Variants in PCSK2 observed in about 807,000 individuals in gnomAD.
PCSK2 encodes neuroendocrine convertase 2.
PCSK2 carries 14 observed loss-of-function variants against 69.7 expected under a neutral mutation model. The observed-to-expected ratio is 0.20, with a 90% CI of 0.13 to 0.31. The LOEUF (loss-of-function observed/expected upper bound fraction) is 0.31. Ranked by LOEUF, PCSK2 falls within the 10% of genes least tolerant of loss-of-function variation. PCSK2 has a pLI of 1.00. For synonymous variants in PCSK2, 307 were observed against 320.7 expected (o/e 0.96, Z 0.46); for missense variants, 544 against 842.5 (o/e 0.65, Z 4.39).
At chr20:17,479,526 G>A (rs1246243576) in intron 11 of PCSK2, 2 of 361,142 alleles carry the variant, frequency 5.5e-6, no homozygotes, top group Admixed American at 7.9e-5. Context: ...ACGGCCGGGC[G>A]CGGTGGCTCA....
intron 4 of PCSK2, among the ~76,000 whole-genome samples, chr20:17,363,200 G>A (rs778881292): frequency 1.3e-5 from 2 of 152,186 alleles, no homozygotes; most frequent in Non-Finnish European, 2.9e-5. Context: ...GTTTAAATTT[G>A]TGGACAGCCA....
At chr20:17,380,280 T>C (rs2031052653) in intron 5 of PCSK2, among the ~76,000 whole-genome samples, 2 of 152,270 alleles carry the variant, frequency 1.3e-5, no homozygotes, top group South Asian at 4.1e-4. Context: ...TCTGAATTAA[T>C]AAAAATAGAC....
intron 3 of PCSK2, among the ~76,000 whole-genome samples, chr20:17,359,224 GA>G (rs1363122912): frequency 6.6e-6 from 1 of 152,216 alleles, no homozygotes; most frequent in African/African-American, 2.4e-5. Flanking sequence ...TACATTACAG[GA>G]ATTCATCACA....
At chr20:17,330,151 G>A (rs879143228) in intron 2 of PCSK2, among the ~76,000 whole-genome samples, 1 of 152,182 alleles carries the variant, frequency 6.6e-6, no homozygotes, top group South Asian at 2.1e-4. Flanking sequence ...TCAAACACCA[G>A]TGTGTGTTTC....
In PCSK2 at chr20:17,358,334, T is replaced by C. The variant is rs1249372987; in HGVS notation, c.290T>C (p.Met97Thr). 17 of 1,591,146 alleles carry C rather than the reference T, an allele frequency of 1.1e-5. No homozygotes were observed. The highest frequency in any genetic ancestry group is 4.5e-5 in the East Asian group (2 of 44,734). Reference sequence around the variant, plus strand: ...TCAGCATTGTCATTCCAGGTAAAGATGGCTTTGCAGCAGGAAGGATTTGAC... The same window carrying C: ...TCAGCATTGTCATTCCAGGTAAAGACGGCTTTGCAGCAGGAAGGATTTGAC... ...QQLERDPRVK[M>T]ALQQEGFDRK... The change falls in exon 3 of 12, where the codon ATG becomes ACG. Residue 97 changes from methionine (M) to threonine (T), a missense_variant. Met to Thr is a moderately conservative substitution (Grantham distance 81). Coordinates refer to ENST00000262545, the MANE Select transcript of PCSK2 (RefSeq NM_002594.5).
At chr20:17,443,492 C>T (rs2032637716) in intron 8 of PCSK2, among the ~76,000 whole-genome samples, 1 of 152,170 alleles carries the variant, frequency 6.6e-6, no homozygotes, top group Admixed American at 6.5e-5. Flanking sequence ...AAGCCCCAGA[C>T]CAGGTGACAG....
At chr20:17,372,982 G>A (rs573345546) in intron 5 of PCSK2, among the ~76,000 whole-genome samples, 3 of 152,326 alleles carry the variant, frequency 2.0e-5, no homozygotes, top group South Asian at 2.1e-4. Flanking sequence ...TGATAGGCTC[G>A]AAAATTGTTT....
chr20:17,227,478 G>T lies in PCSK2; in HGVS notation c.173G>T (p.Arg58Leu). Reference protein sequence around the residue: ...QVAAEHGFGVRKLPFAEGLYH... With the variant: ...QVAAEHGFGVLKLPFAEGLYH... ...GCAGCAGAACACGGCTTTGGAGTCC[G>T]AAAGGTAAGCTCTCCCATGCATTTC... The change falls in exon 1 of 12, where the codon CGA (arginine) becomes CTA (leucine). Residue 58 changes from arginine (R) to leucine (L), a missense_variant. Physicochemically the swap from Arg to Leu is moderately radical, Grantham distance 102. This residue lies in a region of PCSK2 where 157 missense variants were observed against 155.0 expected (regional missense o/e 1.01). Transcript: ENST00000262545. The T allele has an allele frequency of 1.2e-6, 2 of 1,613,228 alleles. No homozygotes were observed. Among genetic ancestry groups the T allele is most frequent in the Non-Finnish European group, 1.7e-6 (2 of 1,179,358 alleles).
At chr20:17,250,611 T>A (rs1986938499) in intron 1 of PCSK2, among the ~76,000 whole-genome samples, 1 of 152,230 alleles carries the variant, frequency 6.6e-6, no homozygotes, top group South Asian at 2.1e-4. Context: ...TGAATGATGA[T>A]ATTCAATGTC....
At chr20:17,394,957 A>G (rs1419196694) in intron 5 of PCSK2, among the ~76,000 whole-genome samples, 1 of 152,210 alleles carries the variant, frequency 6.6e-6, no homozygotes, top group Non-Finnish European at 1.5e-5. Flanking sequence ...GTTGGGGATC[A>G]GTTCTTTTTT....
intron 2 of PCSK2, among the ~76,000 whole-genome samples, chr20:17,341,158 TG>T (rs1469004787): frequency 1.3e-5 from 2 of 152,214 alleles, no homozygotes; most frequent in East Asian, 3.8e-4. Context: ...CAGAATCACT[TG>T]AACCCAGGAG....
At chr20:17,474,078 C>A (rs2033249543) in intron 11 of PCSK2, among the ~76,000 whole-genome samples, 1 of 152,204 alleles carries the variant, frequency 6.6e-6, no homozygotes, top group Admixed American at 6.5e-5. Context: ...GACCTTCAGG[C>A]ACACCATGGC....
Position 17,316,349 on chromosome 20 carries a change from A to G in PCSK2, c.283-41978A>G, listed in dbSNP as rs560327013. ...TAAGTCATGCAAATGCTTTAAAATT[A>G]TATGTCTGTGTATGTATGAATATAT... On this transcript the variant is annotated intron_variant, in intron 2 of 11. Transcript: ENST00000262545. Among the ~76,000 whole-genome samples, 30 of 152,360 alleles carry G rather than the reference A, an allele frequency of 2.0e-4. No homozygotes were observed. In the East Asian group the frequency reaches 2.1e-3, roughly 11 times the overall value.
At chr20:17,282,833 A>G (rs1465205810) in intron 2 of PCSK2, among the ~76,000 whole-genome samples, 1 of 152,110 alleles carries the variant, frequency 6.6e-6, no homozygotes, top group Non-Finnish European at 1.5e-5. Flanking sequence ...TGTTAATAAC[A>G]CAGGCTGGGG....
At chr20:17,413,560 T>A (rs2031927563) in intron 6 of PCSK2, among the ~76,000 whole-genome samples, 1 of 152,150 alleles carries the variant, frequency 6.6e-6, no homozygotes, top group African/African-American at 2.4e-5. Flanking sequence ...ACAAAGAGAC[T>A]TAGAGTCCCA....
intron 2 of PCSK2, among the ~76,000 whole-genome samples, chr20:17,314,726 T>A (rs1479907189): frequency 6.6e-6 from 1 of 152,228 alleles, no homozygotes. Context: ...TTTACTTTAT[T>A]GATTTTTTAA....
chr20:17,390,148 G>A (rs181054368), intron 5 of PCSK2, among the ~76,000 whole-genome samples: 4 of 152,280 alleles, frequency 2.6e-5, no homozygotes, highest in Admixed American at 6.5e-5. Flanking sequence ...AAAGACAAAT[G>A]CAAGAGTACA....
chr20:17,345,976 C>T (rs1310099151), intron 2 of PCSK2, among the ~76,000 whole-genome samples: 2 of 152,182 alleles, frequency 1.3e-5, no homozygotes, highest in Admixed American at 6.5e-5. Context: ...TCCATTGAAG[C>T]TTGCTGGCCA....
intron 1 of PCSK2, among the ~76,000 whole-genome samples, chr20:17,234,638 A>G (rs2122937032): frequency 6.6e-6 from 1 of 152,318 alleles, no homozygotes; most frequent in Middle Eastern, 3.4e-3. Flanking sequence ...TCAAAATCCA[A>G]AAGAAGGGAA....
Sources: allele counts gnomAD v4.1 joint callset (sites outside exome capture counted in the v4.1 genomes callset), GRCh38; gene constraint gnomAD v4.1.1; regional missense constraint gnomAD v4.1.1; transcripts MANE v1.5; gene names NCBI Gene and HGNC (gene_info 2026-07-23, HGNC 2026-07-21).